GUCY1A2: variants seen among roughly 807,000 people sequenced by gnomAD.
The protein encoded by GUCY1A2 is guanylate cyclase 1 soluble subunit alpha 2.
GUCY1A2 carries 27 observed loss-of-function variants against 63.5 expected under a neutral mutation model. The observed-to-expected ratio is 0.43, with a 90% confidence interval of 0.31 to 0.59. The LOEUF is 0.59. Among genes scored for constraint, GUCY1A2 ranks in the 20% least tolerant of loss-of-function variants. The probability of loss-of-function intolerance (pLI) is 0.11; values close to 1 mark genes in which losing one functional copy is unlikely to be tolerated. For synonymous variants in GUCY1A2, 364 were observed against 343.5 expected (o/e 1.06, Z -0.66); for missense variants, 768 against 913.3 (o/e 0.84, Z 2.05).
At chr11:106,786,503 T>A (rs1309497253) in intron 5 of GUCY1A2, among the ~76,000 whole-genome samples, 2 of 152,184 alleles carry the variant, frequency 1.3e-5, no homozygotes, top group African/African-American at 2.4e-5. Flanking sequence ...TCTCAGTAGG[T>A]CTTTCAATGT....
rs988088502 is a variant in GUCY1A2 at position 106,810,346 on chromosome 11, C to T, written c.1339G>A (p.Asp447Asn). Reference sequence around the variant, plus strand: ...ACCAAAATGACATCTCGGGTGGCATCATGGATAGGGATGTCTGAGAGATGT... The same window carrying T: ...ACCAAAATGACATCTCGGGTGGCATTATGGATAGGGATGTCTGAGAGATGT... ...GLHLSDIPIH[D>N]ATRDVILVGE... Residue 447 changes from aspartate (D) to asparagine (N), a missense_variant, in exon 5 of 8, where the codon GAT (aspartate) becomes AAT (asparagine). Physicochemically the swap from Asp to Asn is conservative, Grantham distance 23. Transcript: ENST00000526355. The T allele has an allele frequency of 6.2e-7, 1 of 1,613,924 alleles. No individual in the cohort carries two copies. The highest frequency in any genetic ancestry group is 2.2e-5 in the East Asian group (1 of 44,870).
Position 106,708,406 on chromosome 11 carries a change from C to G in GUCY1A2, c.1991+106G>C, listed in dbSNP as rs538057108. 3.4e-6 allele frequency: 3 copies of G among 879,258 alleles called. No individual in the cohort carries two copies. The Admixed American group carries it at 8.2e-5, about 24-fold the overall frequency. 54.5% of individuals were successfully genotyped at this position (879,258 alleles called of 1,614,324 possible). ...GTTTGGGCAGTTCTACTCATAATATCTTGGAGAATGACAGGATCAAGAAAA... is the reference window on the plus strand; with the variant it reads ...GTTTGGGCAGTTCTACTCATAATATGTTGGAGAATGACAGGATCAAGAAAA... On this transcript the variant is annotated intron_variant, in intron 7 of 7. Coordinates refer to ENST00000526355, the MANE Select transcript of GUCY1A2 (RefSeq NM_000855.3).
chr11:106,968,858 C>A (rs899084364), intron 3 of GUCY1A2, among the ~76,000 whole-genome samples: 14 of 14,434 alleles, frequency 9.7e-4, no homozygotes, highest in African/African-American at 4.0e-3. Context: ...TAGGAAAAAA[C>A]CACAACAGAC....
intron 6 of GUCY1A2, among the ~76,000 whole-genome samples, chr11:106,743,464 T>C (rs1387561174): frequency 1.3e-5 from 2 of 152,178 alleles, no homozygotes; most frequent in Non-Finnish European, 2.9e-5. Context: ...ATGAATATGA[T>C]AGAATTTACC....
rs35636240 is a variant in GUCY1A2 at position 106,881,851 on chromosome 11, C to T, written c.1206+57609G>A. On this transcript the variant is annotated intron_variant, in intron 4 of 7. Coordinates refer to ENST00000526355, the MANE Select transcript of GUCY1A2 (RefSeq NM_000855.3). ...GTTTTATAGGATTTCTGAAATGTTG[C>T]GTACTAATAAAGGGATATTATTATA... Among the ~76,000 whole-genome samples the T allele has an allele frequency of 9.9e-5, 15 of 151,922 alleles. No homozygotes were observed. In the South Asian group the frequency reaches 2.3e-3, roughly 23 times the overall value.
intron 4 of GUCY1A2, chr11:106,936,761 T>C: frequency 9.7e-7 from 1 of 1,031,832 alleles, no homozygotes; most frequent in South Asian, 1.4e-5. Flanking sequence ...TGGTATTAAA[T>C]GCACAAACAA....
chr11:106,764,974 G>GTT (rs1864135557), intron 6 of GUCY1A2, among the ~76,000 whole-genome samples: 1 of 94,740 alleles, frequency 1.1e-5, no homozygotes, highest in African/African-American at 4.1e-5. Context: ...TTTTTTTGGG[G>GTT]GGGGGTTGGG....
intron 4 of GUCY1A2, among the ~76,000 whole-genome samples, chr11:106,900,638 G>C (rs1860119262): frequency 6.6e-6 from 1 of 152,062 alleles, no homozygotes; most frequent in Admixed American, 6.6e-5. Flanking sequence ...TATATATCCA[G>C]TTTTTCTGTA....
chr11:106,838,353 T>A (rs1164954961), intron 4 of GUCY1A2, among the ~76,000 whole-genome samples: 1 of 151,978 alleles, frequency 6.6e-6, no homozygotes, highest in African/African-American at 2.4e-5. Flanking sequence ...TGAATATTTG[T>A]AGAGTCAATC....
chr11:107,017,047 A>T lies in GUCY1A2; in HGVS notation c.303+706T>A, dbSNP rs1049179277. The stretch of plus-strand genomic sequence containing the variant: ...CGGGACTTTAAATTAAATTTAATTT[A>T]AAAAAAAAGAAATCCAGACACCAGG... On this transcript the variant is annotated intron_variant, in intron 1 of 7. Coordinates refer to ENST00000526355, the MANE Select transcript of GUCY1A2 (RefSeq NM_000855.3). 2.6e-4 allele frequency among the ~76,000 whole-genome samples: 36 copies of T among 141,158 alleles called. No homozygotes were observed. The South Asian group carries it at 3.4e-3, about 13-fold the overall frequency. The allele number at this position is 141,158 out of a possible 152,430, so 92.6% of individuals were successfully genotyped here.
At chr11:106,851,791 CTACAGCTTTGATCTTT>C (rs1271588888) in intron 4 of GUCY1A2, among the ~76,000 whole-genome samples, 1 of 151,802 alleles carries the variant, frequency 6.6e-6, no homozygotes, top group Non-Finnish European at 1.5e-5. Flanking sequence ...GGTGTGATGC[CTACAGCTTTGATCTTT>C]TACTCAGTAT....
At chr11:106,692,874 T>C (rs1393283427) in intron 7 of GUCY1A2, among the ~76,000 whole-genome samples, 4 of 152,198 alleles carry the variant, frequency 2.6e-5, no homozygotes, top group African/African-American at 7.2e-5. Flanking sequence ...GACAACCCCA[T>C]GGACAGAATA....
chr11:106,701,801 T>C (rs1419957799), intron 7 of GUCY1A2, among the ~76,000 whole-genome samples: 1 of 152,224 alleles, frequency 6.6e-6, no homozygotes, highest in African/African-American at 2.4e-5. Context: ...CACAAAGAAA[T>C]GATAAATGTT....
chr11:106,710,704 G>T (rs919867937), intron 6 of GUCY1A2, among the ~76,000 whole-genome samples: 6 of 151,842 alleles, frequency 4.0e-5, no homozygotes, highest in Non-Finnish European at 1.5e-5. Flanking sequence ...AATTAAACAC[G>T]ATAACAGTAA....
At chr11:106,927,298 G>C (rs963164453) in intron 4 of GUCY1A2, among the ~76,000 whole-genome samples, 1 of 151,368 alleles carries the variant, frequency 6.6e-6, no homozygotes, top group Non-Finnish European at 1.5e-5. Flanking sequence ...GCACGAACCC[G>C]GGGGGCGGAG....
At position 106,824,217 on chromosome 11, in the gene GUCY1A2, T is replaced by C. The variant is rs1016224245; in HGVS notation, c.1207-13739A>G. 7 of 1,166,112 alleles carry C rather than the reference T, an allele frequency of 6.0e-6. No individual in the cohort carries two copies. In the South Asian group the frequency reaches 1.7e-4, roughly 28 times the overall value. The allele number at this position is 1,166,112 out of a possible 1,614,324, so 72.2% of individuals were successfully genotyped here. A position where few individuals can be genotyped will look rare whatever the true frequency, so the allele number is the denominator to read the frequency against. ...CTATTAATTTTCAGTTTTATATATT[T>C]TAAAAAGTATATTAAAGCCTATGGG... is the stretch of plus-strand genomic sequence containing the variant. On this transcript the variant is annotated intron_variant, in intron 4 of 7. Coordinates refer to ENST00000526355, the MANE Select transcript of GUCY1A2 (RefSeq NM_000855.3).
In GUCY1A2 at chr11:106,685,995, T is replaced by G. The variant is rs1862520653; in HGVS notation, c.*1554A>C. On this transcript the variant is annotated 3_prime_UTR_variant, in exon 8 of 8. Transcript: ENST00000526355. Reference sequence around the variant, plus strand: ...AAATATATTCCTTAACTGAGTTATGTCATAACCAAATCATAATGCAGCCAA... The same window carrying G: ...AAATATATTCCTTAACTGAGTTATGGCATAACCAAATCATAATGCAGCCAA... The G allele has an allele frequency of 9.1e-6, 2 of 219,800 alleles. No individual in the cohort carries two copies. Among genetic ancestry groups the G allele is most frequent in the Admixed American group, 1.2e-4 (2 of 17,276 alleles). 13.6% of individuals were successfully genotyped at this position (219,800 alleles called of 1,614,324 possible).
chr11:106,979,669 T>C (rs757038707), intron 2 of GUCY1A2, among the ~76,000 whole-genome samples: 5 of 152,104 alleles, frequency 3.3e-5, no homozygotes, highest in Non-Finnish European at 7.3e-5. Flanking sequence ...TAACTGGATA[T>C]TGGCTGGGAC....
intron 4 of GUCY1A2, among the ~76,000 whole-genome samples, chr11:106,819,858 A>G (rs1253506979): frequency 1.3e-5 from 2 of 152,182 alleles, no homozygotes; most frequent in Non-Finnish European, 2.9e-5. Context: ...CATGAAGAAC[A>G]TTATGTAAAG....
Sources: gnomAD v4.1 joint callset for allele counts (sites outside exome capture counted in the v4.1 genomes callset) on GRCh38, gnomAD v4.1.1 for gene constraint, MANE v1.5 for transcripts, NCBI Gene and HGNC (gene_info 2026-07-23, HGNC 2026-07-21) for gene names.